Variants in SOAT1 observed in about 807,000 individuals in gnomAD.
SOAT1 encodes sterol O-acyltransferase 1.
SOAT1 carries 55 observed loss-of-function variants against 69.5 expected under a neutral mutation model. The ratio of observed to expected loss-of-function variants is 0.79; its 90% confidence interval spans 0.64 to 0.99. SOAT1 has a LOEUF of 0.99. Ranked by LOEUF, SOAT1 falls within the 50% of genes least tolerant of loss-of-function variation. SOAT1 has a pLI of 0.00. For missense variants in SOAT1, 580 were observed against 669.3 expected, an observed-to-expected ratio of 0.87 and a Z score of 1.47; for synonymous variants, 231 against 224.7, an observed-to-expected ratio of 1.03 and a Z score of -0.25.
At chr1:179,338,775 CA>C (rs1558053674) in intron 5 of SOAT1, among the ~76,000 whole-genome samples, 2 of 151,778 alleles carry the variant, frequency 1.3e-5, no homozygotes, top group Non-Finnish European at 2.9e-5. Context: ...ACCAAGGAAA[CA>C]AAACATGTTT....
chr1:179,335,009 C>G (rs1303558494), intron 3 of SOAT1, among the ~76,000 whole-genome samples: 1 of 109,274 alleles, frequency 9.2e-6, no homozygotes, highest in African/African-American at 3.6e-5. Flanking sequence ...GAGGAAAACT[C>G]CATCTCAAAA....
chr1:179,313,039 T>C (rs894995556), intron 2 of SOAT1, among the ~76,000 whole-genome samples: 3 of 152,232 alleles, frequency 2.0e-5, no homozygotes, highest in Admixed American at 2.0e-4. Flanking sequence ...ATGTCCTTAT[T>C]TGGGAAGCAA....
intron 8 of SOAT1, among the ~76,000 whole-genome samples, chr1:179,342,436 G>A (rs146613327): frequency 7.2e-5 from 11 of 151,964 alleles, no homozygotes; most frequent in Admixed American, 2.0e-4. Context: ...ATTATATAAT[G>A]TAGAGATTGT....
intron 7 of SOAT1, among the ~76,000 whole-genome samples, chr1:179,341,732 A>G (rs1347025431): frequency 1.3e-5 from 2 of 152,090 alleles, no homozygotes; most frequent in South Asian, 4.2e-4. Context: ...ATGGGGTTTC[A>G]CCATATTGGC....
chr1:179,306,059 T>C (rs993920379), intron 2 of SOAT1, among the ~76,000 whole-genome samples: 1 of 152,194 alleles, frequency 6.6e-6, no homozygotes, highest in African/African-American at 2.4e-5. Flanking sequence ...GAGGTATGCA[T>C]TTGCAAAGAC....
At chr1:179,341,947 C>A in intron 7 of SOAT1, 167 bp from the exon 8 acceptor site, 1 of 469,390 alleles carries the variant, frequency 2.1e-6, no homozygotes, top group Non-Finnish European at 2.8e-6. Flanking sequence ...ATGTCAGATT[C>A]ATTGTTTTGT....
chr1:179,335,864 C>T (rs570918598), intron 4 of SOAT1, among the ~76,000 whole-genome samples: 2 of 152,226 alleles, frequency 1.3e-5, no homozygotes, highest in African/African-American at 4.8e-5. Context: ...ATGCATACCT[C>T]TTTTAACACT....
At chr1:179,313,838 C>T (rs955344341) in intron 2 of SOAT1, among the ~76,000 whole-genome samples, 1 of 152,162 alleles carries the variant, frequency 6.6e-6, no homozygotes, top group African/African-American at 2.4e-5. Flanking sequence ...CCTGCCTCGG[C>T]CTCCCAAAGT....
chr1:179,335,391 A>G, intron 3 of SOAT1, 115 bp from the exon 4 acceptor site: 1 of 888,432 alleles, frequency 1.1e-6, no homozygotes, highest in Non-Finnish European at 1.7e-6. Context: ...ACTCCTGCGA[A>G]CTCACTATGT....
Position 179,348,394 on chromosome 1 carries a change from C to A in SOAT1, c.1216-450C>A, listed in dbSNP as rs72717514. On this transcript the variant is annotated intron_variant, in intron 12 of 15. Coordinates refer to ENST00000367619, the MANE Select transcript of SOAT1 (RefSeq NM_003101.6). ...GGATACCAGGACTTTGAGGTAGCCA[C>A]CATCTCACCCTGGATAATTTTGCCA... 8.5e-3 allele frequency among the ~76,000 whole-genome samples: 1,294 copies of A among 152,242 alleles called. 8 individuals are homozygous for A. The highest frequency in any genetic ancestry group is 0.02 in the Middle Eastern group (6 of 294).
intron 3 of SOAT1, among the ~76,000 whole-genome samples, chr1:179,331,667 C>T (rs1385919860): frequency 2.6e-5 from 4 of 152,102 alleles, no homozygotes; most frequent in South Asian, 2.1e-4. Context: ...AGCATATACA[C>T]TTGAATATAT....
chr1:179,346,637 A>G (rs1479374252), intron 11 of SOAT1, among the ~76,000 whole-genome samples: 3 of 152,216 alleles, frequency 2.0e-5, no homozygotes, highest in Non-Finnish European at 2.9e-5. Context: ...CCATGTCACT[A>G]TGTTAACCAT....
chr1:179,313,590 A>G (rs955466812), intron 2 of SOAT1, among the ~76,000 whole-genome samples: 4 of 151,250 alleles, frequency 2.6e-5, no homozygotes, highest in South Asian at 2.1e-4. Flanking sequence ...ATATGTATAT[A>G]TATATTTTTT....
intron 11 of SOAT1, among the ~76,000 whole-genome samples, chr1:179,346,603 C>T (rs7518843): frequency 0.88 from 133,596 of 152,266 alleles, 58,682 homozygotes; most frequent in East Asian, 0.91. Flanking sequence ...GGTAGAATCA[C>T]TGGAGATATG....
chr1:179,305,512 T>C (rs1664974425), intron 2 of SOAT1, among the ~76,000 whole-genome samples: 1 of 152,278 alleles, frequency 6.6e-6, no homozygotes, highest in South Asian at 2.1e-4. Context: ...TTATTTACAA[T>C]GATTGGCTAT....
chr1:179,300,606 C>T (rs1024343436), intron 1 of SOAT1, among the ~76,000 whole-genome samples: 2 of 151,974 alleles, frequency 1.3e-5, no homozygotes, highest in African/African-American at 4.8e-5. Flanking sequence ...ACAACCAAAC[C>T]CACCATGTAC....
chr1:179,345,020 A>G lies in SOAT1; in HGVS notation c.1061A>G (p.Gln354Arg), dbSNP rs774152912. 5 of 1,614,156 alleles carry G rather than the reference A, an allele frequency of 3.1e-6. No individual in the cohort carries two copies. The highest frequency in any genetic ancestry group is 8.5e-7 in the Non-Finnish European group (1 of 1,179,990). The change falls in exon 11 of 16, where the codon CAG (glutamine) becomes CGG (arginine). Residue 354 changes from glutamine to arginine, a missense_variant. Coordinates refer to ENST00000367619, the MANE Select transcript of SOAT1 (RefSeq NM_003101.6). ...LCAPLFRNIK[Q>R]EPFSARVLVL... ...GCCCCCTTGTTTCGGAATATCAAAC[A>G]GGAGCCCTTCAGCGCTCGTGTTCTG... is the stretch of plus-strand genomic sequence containing the variant.
rs1223690139 is a variant in SOAT1, at chr1:179,353,686, T to G, written c.*45T>G. On this transcript the variant is annotated 3_prime_UTR_variant, in exon 16 of 16. Transcript: ENST00000367619. ...TCCTTGTCACTGAAGATTGGGTAGCTCCCTGATTTGGAGCCAGCTGTTTCC... is the reference window on the plus strand; with the variant it reads ...TCCTTGTCACTGAAGATTGGGTAGCGCCCTGATTTGGAGCCAGCTGTTTCC... 4.0e-6 allele frequency: 6 copies of G among 1,510,240 alleles called. No individual in the cohort carries two copies. Among genetic ancestry groups the G allele is most frequent in the East Asian group, 4.5e-5 (2 of 44,308 alleles). 93.6% of individuals were successfully genotyped at this position (1,510,240 alleles called of 1,614,324 possible).
In SOAT1 at chr1:179,342,228, C is replaced by T. The variant is rs758163788; in HGVS notation, c.859+36C>T. The T allele has an allele frequency of 7.3e-6, 10 of 1,376,638 alleles. No homozygotes were observed. The East Asian group carries it at 1.6e-4, about 22-fold the overall frequency. The allele number at this position is 1,376,638 out of a possible 1,614,324, so 85.3% of individuals were successfully genotyped here. A position where few individuals can be genotyped will look rare whatever the true frequency, so the allele number is the denominator to read the frequency against. ...TCTTTTGTTCATTATTTCTTCCTCCCCTCCCCTCCTCTCCCCCCACCCCAT... is the reference window on the plus strand; with the variant it reads ...TCTTTTGTTCATTATTTCTTCCTCCTCTCCCCTCCTCTCCCCCCACCCCAT... On this transcript the variant is annotated intron_variant, in intron 8 of 15. Transcript: ENST00000367619.
Sources: allele counts gnomAD v4.1 joint callset (sites outside exome capture counted in the v4.1 genomes callset), GRCh38; gene constraint gnomAD v4.1.1; transcripts MANE v1.5; gene names NCBI Gene and HGNC (gene_info 2026-07-23, HGNC 2026-07-21).